Variants in TACR1 observed in about 807,000 individuals in gnomAD.
TACR1 encodes the protein substance-P receptor.
TACR1 carries 25 observed loss-of-function variants against 35.8 expected under a neutral mutation model. The observed-to-expected ratio is 0.70, with a 90% confidence interval of 0.51 to 0.98. TACR1 has a LOEUF of 0.98. Ranked by LOEUF, TACR1 falls within the 50% of genes least tolerant of loss-of-function variation. The pLI is 0.00. For synonymous variants in TACR1, 195 were observed against 206.7 expected (o/e 0.94, Z 0.48); for missense variants, 478 against 522.9 (o/e 0.91, Z 0.84).
chr2:75,192,008 A>G (rs771029325), intron 1 of TACR1, among the ~76,000 whole-genome samples: 10 of 152,122 alleles, frequency 6.6e-5, no homozygotes, highest in Non-Finnish European at 1.0e-4. Context: ...TGCTGTGGAA[A>G]TATAAGGACC....
At chr2:75,185,167 G>C (rs1269165772) in intron 1 of TACR1, among the ~76,000 whole-genome samples, 4 of 151,804 alleles carry the variant, frequency 2.6e-5, no homozygotes. Flanking sequence ...ATCAATAAAT[G>C]GTGTTTGAAC....
chr2:75,059,635 A>T (rs897680431), intron 2 of TACR1, among the ~76,000 whole-genome samples: 4 of 152,118 alleles, frequency 2.6e-5, no homozygotes, highest in African/African-American at 7.2e-5. Context: ...CAGTGAAAAA[A>T]CCTGTGGTCA....
chr2:75,068,562 T>C, intron 2 of TACR1, among the ~76,000 whole-genome samples: 1 of 152,196 alleles, frequency 6.6e-6, no homozygotes, highest in East Asian at 1.9e-4. Flanking sequence ...AACATATTAA[T>C]AGCTGACACT....
intron 1 of TACR1, among the ~76,000 whole-genome samples, chr2:75,153,632 T>C (rs2103970461): frequency 6.6e-6 from 1 of 152,364 alleles, no homozygotes; most frequent in Middle Eastern, 3.4e-3. Context: ...TAGAGTATTA[T>C]TGAAATTGTG....
chr2:75,095,754 A>G (rs2103862115), intron 2 of TACR1, among the ~76,000 whole-genome samples: 1 of 152,182 alleles, frequency 6.6e-6, no homozygotes, highest in South Asian at 2.1e-4. Context: ...GCAAGTGGGT[A>G]TGTGAGCAGA....
chr2:75,116,211 C>G (rs1002134198), intron 2 of TACR1, among the ~76,000 whole-genome samples: 7 of 152,020 alleles, frequency 4.6e-5, no homozygotes, highest in African/African-American at 1.7e-4. Flanking sequence ...CTCAAGTGAT[C>G]CTCCCACCTC....
chr2:75,099,621 C>G (rs1023192184), intron 2 of TACR1, among the ~76,000 whole-genome samples: 6 of 152,194 alleles, frequency 3.9e-5, no homozygotes, highest in African/African-American at 1.4e-4. Flanking sequence ...AGGCTGAACC[C>G]AGGGAGAGGT....
intron 2 of TACR1, among the ~76,000 whole-genome samples, chr2:75,074,241 G>T (rs1672935055): frequency 6.6e-6 from 1 of 152,134 alleles, no homozygotes; most frequent in South Asian, 2.1e-4. Context: ...GAGAAACTGA[G>T]GCAAGTGGCA....
chr2:75,102,747 C>A (rs1310298668), intron 2 of TACR1, among the ~76,000 whole-genome samples: 1 of 151,892 alleles, frequency 6.6e-6, no homozygotes, highest in Admixed American at 6.6e-5. Flanking sequence ...TAAGTATATG[C>A]CAAATAAAGG....
chr2:75,198,399 T>A, intron 1 of TACR1, 147 bp downstream of exon 1: 1 of 883,944 alleles, frequency 1.1e-6, no homozygotes, highest in Non-Finnish European at 1.7e-6. Context: ...AAGTTCCCCA[T>A]CAACAAATGA....
intron 1 of TACR1, among the ~76,000 whole-genome samples, chr2:75,121,177 T>G (rs1017051731): frequency 6.6e-6 from 1 of 152,210 alleles, no homozygotes; most frequent in Non-Finnish European, 1.5e-5. Flanking sequence ...AGAATAGTAC[T>G]TTTTTTCAGT....
chr2:75,141,259 C>G (rs1409318897), intron 1 of TACR1, among the ~76,000 whole-genome samples: 1 of 152,204 alleles, frequency 6.6e-6, no homozygotes. Flanking sequence ...ACAAAGCCAA[C>G]TCATAACAGG....
At chr2:75,055,393 C>T (rs1672548452) in intron 2 of TACR1, among the ~76,000 whole-genome samples, 1 of 152,204 alleles carries the variant, frequency 6.6e-6, no homozygotes. Context: ...CTTTCAAAGC[C>T]CTCTGAATTG....
chr2:75,100,256 T>C (rs1277617764), intron 2 of TACR1, among the ~76,000 whole-genome samples: 1 of 152,238 alleles, frequency 6.6e-6, no homozygotes, highest in African/African-American at 2.4e-5. Flanking sequence ...TTTGAGCTGC[T>C]GAGGGGATGA....
At chr2:75,144,342 C>A (rs552312881) in intron 1 of TACR1, among the ~76,000 whole-genome samples, 1 of 152,198 alleles carries the variant, frequency 6.6e-6, no homozygotes, top group Non-Finnish European at 1.5e-5. Context: ...GTGCAGATGC[C>A]TTTCACTGTG....
At chr2:75,177,312 G>A (rs145872622) in intron 1 of TACR1, among the ~76,000 whole-genome samples, 4 of 152,188 alleles carry the variant, frequency 2.6e-5, no homozygotes, top group East Asian at 1.9e-4. Flanking sequence ...CTGTCTTCAC[G>A]TTTGGTGACA....
At chr2:75,113,149 C>G (rs1673783270) in intron 2 of TACR1, among the ~76,000 whole-genome samples, 2 of 152,162 alleles carry the variant, frequency 1.3e-5, no homozygotes, top group South Asian at 4.1e-4. Flanking sequence ...TAGTTTCATT[C>G]CCCTTTACCT....
At chr2:75,112,889 T>A (rs1463583095) in intron 2 of TACR1, among the ~76,000 whole-genome samples, 4 of 152,212 alleles carry the variant, frequency 2.6e-5, no homozygotes, top group African/African-American at 4.8e-5. Context: ...CAATATAATT[T>A]TTATTTTTTT....
At chr2:75,178,368 A>G (rs964845781) in intron 1 of TACR1, among the ~76,000 whole-genome samples, 2 of 151,992 alleles carry the variant, frequency 1.3e-5, no homozygotes, top group Non-Finnish European at 2.9e-5. Flanking sequence ...TATTTTTAGT[A>G]GAGACGGGGT....
Sources: gnomAD v4.1 joint callset for allele counts (sites outside exome capture counted in the v4.1 genomes callset) on GRCh38, gnomAD v4.1.1 for gene constraint, MANE v1.5 for transcripts, NCBI Gene and HGNC (gene_info 2026-07-23, HGNC 2026-07-21) for gene names.